KISS1: variants seen among roughly 807,000 people sequenced by gnomAD.
KISS1 encodes metastasis-suppressor KiSS-1.
For synonymous variants in KISS1, 97 were observed against 88.7 expected, an observed-to-expected ratio of 1.09 and a Z score of -0.52; for missense variants, 182 against 182.7, an observed-to-expected ratio of 1.00 and a Z score of 0.02.
chr1:204,192,495 C>T lies in KISS1; in HGVS notation c.103+279G>A, dbSNP rs1558253811. 2.0e-5 allele frequency among the ~76,000 whole-genome samples: 3 copies of T among 151,574 alleles called. No homozygotes were observed. The highest frequency in any genetic ancestry group is 4.2e-4 in the South Asian group (2 of 4,810). On this transcript the variant is annotated intron_variant, in intron 2 of 2. Coordinates refer to ENST00000367194, the MANE Select transcript of KISS1 (RefSeq NM_002256.4). This position sits in a 1 kb window ranked among gnomAD's most constrained non-coding sequence, Gnocchi z 4.2. ...AACATCGGCACAGAGAGGTTGCTGA[C>T]GTAGAGCAGAGAACACAGTGTGAGG...
chr1:204,195,549 C>T (rs905859092), intron 1 of KISS1, among the ~76,000 whole-genome samples: 4 of 147,436 alleles, frequency 2.7e-5, no homozygotes, highest in African/African-American at 1.0e-4. Flanking sequence ...AGATATATAC[C>T]CATACACCCG....
intron 1 of KISS1, among the ~76,000 whole-genome samples, chr1:204,195,386 TCATGCACACACACCACA>T (rs1489979906): frequency 4.4e-5 from 5 of 114,744 alleles, no homozygotes; most frequent in South Asian, 6.0e-4. Context: ...TACACACACA[TCATGCACACACACCACA>T]CACGCACACA....
chr1:204,193,285 G>A (rs999808831), intron 1 of KISS1, among the ~76,000 whole-genome samples: 3 of 152,142 alleles, frequency 2.0e-5, no homozygotes, highest in South Asian at 4.1e-4. Context: ...TTTGAGAAAG[G>A]TGGGGTGAGA....
chr1:204,192,733 C>T lies in KISS1; in HGVS notation c.103+41G>A, dbSNP rs755656807. 2.4e-6 allele frequency: 3 copies of T among 1,259,468 alleles called. No homozygotes were observed. Among genetic ancestry groups the T allele is most frequent in the Non-Finnish European group, 3.4e-6 (3 of 874,436 alleles). The allele number at this position is 1,259,468 out of a possible 1,614,324, so 78.0% of individuals were successfully genotyped here. A position where few individuals can be genotyped will look rare whatever the true frequency, so the allele number is the denominator to read the frequency against. Reference sequence around the variant, plus strand: ...ACGGGAAAGCTCATTTTGCAACAACCCACTTGCTCCCTCCCACTCCTTTCC... The same window carrying T: ...ACGGGAAAGCTCATTTTGCAACAACTCACTTGCTCCCTCCCACTCCTTTCC... On this transcript the variant is annotated intron_variant, in intron 2 of 2. Coordinates refer to ENST00000367194, the MANE Select transcript of KISS1 (RefSeq NM_002256.4). The surrounding 1 kb of genome is among the most constrained non-coding windows in gnomAD (Gnocchi z 4.2).
chr1:204,191,154 G>T (rs953032364), intron 2 of KISS1, among the ~76,000 whole-genome samples: 1 of 152,218 alleles, frequency 6.6e-6, no homozygotes, highest in Admixed American at 6.5e-5. Flanking sequence ...TGGGCAGTGG[G>T]GCCATGTTAA....
rs1658755697 is a variant in KISS1 at position 204,192,116 on chromosome 1, G to A, written c.103+658C>T. On this transcript the variant is annotated intron_variant, in intron 2 of 2. Transcript: ENST00000367194. This position sits in a 1 kb window ranked among gnomAD's most constrained non-coding sequence, Gnocchi z 4.2. The stretch of plus-strand genomic sequence containing the variant: ...TCAGGTCCAGAGAAGCTAAGTCATG[G>A]GTTCTAGTTTGCCCAGAAAGCTGAC... Among the ~76,000 whole-genome samples the A allele has an allele frequency of 6.6e-6, 1 of 152,132 alleles. No homozygotes were observed. Among genetic ancestry groups the A allele is most frequent in the Non-Finnish European group, 1.5e-5 (1 of 68,022 alleles).
chr1:204,190,696 TC>T lies in KISS1; in HGVS notation c.204del (p.Thr69ProfsTer78). On this transcript the variant is annotated frameshift_variant, in exon 3 of 3. Transcript: ENST00000367194. LOFTEE classifies it low-confidence loss of function (END_TRUNC). The part of the protein sequence containing the change: ...PAATARLSRR[G>X]TSLSPPPESS... ...CTCTCGGGGGGCGGGGACAGCGAGG[TC>T]CCCCGACGGCTCAGCCTGGCAGTAG... 2 of 1,596,904 alleles carry T rather than the reference TC, an allele frequency of 1.3e-6. No individual in the cohort carries two copies. The highest frequency in any genetic ancestry group is 1.7e-5 in the Admixed American group (1 of 57,898).
chr1:204,195,256 CATCATA>C (rs1658825746), intron 1 of KISS1, among the ~76,000 whole-genome samples: 13 of 87,768 alleles, frequency 1.5e-4, no homozygotes, highest in South Asian at 3.9e-4. Context: ...CATACACACA[CATCATA>C]CACACACACA....
At chr1:204,195,208 T>TC (rs1658818148) in intron 1 of KISS1, among the ~76,000 whole-genome samples, 2 of 1,934 alleles carry the variant, frequency 1.0e-3, no homozygotes, top group Admixed American at 5.7e-3. Context: ...CACACACATA[T>TC]ATACGCACAC....
chr1:204,195,769 C>T (rs1170698252), intron 1 of KISS1, among the ~76,000 whole-genome samples: 1 of 151,584 alleles, frequency 6.6e-6, no homozygotes, highest in African/African-American at 2.4e-5. Context: ...CACTGCCCAG[C>T]CCATCGGGGC....
chr1:204,195,048 G>A (rs1024280766), intron 1 of KISS1, among the ~76,000 whole-genome samples: 1 of 151,558 alleles, frequency 6.6e-6, no homozygotes, highest in Admixed American at 6.6e-5. Context: ...TCTTTCTTCC[G>A]GCTCCCCTTT....
At chr1:204,190,869 C>T in intron 2 of KISS1, 72 bp from the exon 3 acceptor site, 1 of 1,282,264 alleles carries the variant, frequency 7.8e-7, no homozygotes, top group South Asian at 1.3e-5. Context: ...CCTGTCATCC[C>T]ATCCTATCCT....
chr1:204,195,236 CGCAT>C (rs1558254628), intron 1 of KISS1, among the ~76,000 whole-genome samples: 2 of 628 alleles, frequency 3.2e-3, no homozygotes, highest in Non-Finnish European at 6.7e-3. Context: ...CACATATACA[CGCAT>C]ACACCCATAC....
chr1:204,192,939 A>G lies in KISS1; in HGVS notation c.-38-25T>C. ...GCTGAGACAGAGAGAGGGAACAAAG[A>G]CTAGGTCAGGCACAGGATCTGGGCT... On this transcript the variant is annotated intron_variant, in intron 1 of 2. Coordinates refer to ENST00000367194, the MANE Select transcript of KISS1 (RefSeq NM_002256.4). The surrounding 1 kb of genome is among the most constrained non-coding windows in gnomAD (Gnocchi z 4.2). 1 of 1,140,298 alleles carries G rather than the reference A, an allele frequency of 8.8e-7. No individual in the cohort carries two copies. The highest frequency in any genetic ancestry group is 1.3e-6 in the Non-Finnish European group (1 of 773,658). The allele number at this position is 1,140,298 out of a possible 1,614,324, so 70.6% of individuals were successfully genotyped here. A position where few individuals can be genotyped will look rare whatever the true frequency, so the allele number is the denominator to read the frequency against.
Position 204,190,355 on chromosome 1 carries a change from T to C in KISS1, c.*129A>G. On this transcript the variant is annotated 3_prime_UTR_variant, in exon 3 of 3. Transcript: ENST00000367194. ...CCACACGTCAGTGAGTTACGCAACA[T>C]TTCTTTTATTGCCTCGGGTTGGAAG... 1.0e-6 allele frequency: 1 copy of C among 991,392 alleles called. No individual in the cohort carries two copies. 61.4% of individuals were successfully genotyped at this position (991,392 alleles called of 1,614,324 possible).
chr1:204,190,414 G>C lies in KISS1; in HGVS notation c.*70C>G, dbSNP rs1132506. 152,382 of 505,596 alleles carry C rather than the reference G, an allele frequency of 0.3. 27,611 individuals carry two copies. Among genetic ancestry groups the C allele is most frequent in the African/African-American group, 0.65 (23,757 of 36,770 alleles). 31.3% of individuals were successfully genotyped at this position (505,596 alleles called of 1,614,324 possible). The stretch of plus-strand genomic sequence containing the variant: ...CCCCCTCCCTTAGCCCTACGTCCCC[G>C]CCCCCCGCCCCCGCCCCGCATGCTC... On this transcript the variant is annotated 3_prime_UTR_variant, in exon 3 of 3. Transcript: ENST00000367194.
intron 1 of KISS1, among the ~76,000 whole-genome samples, chr1:204,194,991 T>C (rs1413854422): frequency 1.3e-5 from 2 of 151,826 alleles, no homozygotes; most frequent in Admixed American, 1.3e-4. Flanking sequence ...AGCAGGGTGG[T>C]GGGCCAGGAA....
At position 204,192,711 on chromosome 1, in the gene KISS1, G is replaced by A. The variant is rs1050499002; in HGVS notation, c.103+63C>T. ...ACCAGTCGACTAGATGGAAAATACG[G>A]GAAAGCTCATTTTGCAACAACCCAC... On this transcript the variant is annotated intron_variant, in intron 2 of 2. Coordinates refer to ENST00000367194, the MANE Select transcript of KISS1 (RefSeq NM_002256.4). This position sits in a 1 kb window ranked among gnomAD's most constrained non-coding sequence, Gnocchi z 4.2. 1.2e-5 allele frequency: 12 copies of A among 996,076 alleles called. No individual in the cohort carries two copies. Among genetic ancestry groups the A allele is most frequent in the Admixed American group, 6.0e-5 (3 of 50,388 alleles). The allele number at this position is 996,076 out of a possible 1,614,324, so 61.7% of individuals were successfully genotyped here. A position where few individuals can be genotyped will look rare whatever the true frequency, so the allele number is the denominator to read the frequency against.
Position 204,190,666 on chromosome 1 carries a change from C to G in KISS1, c.235G>C (p.Gly79Arg), listed in dbSNP as rs746488000. The change falls in exon 3 of 3, where the codon GGG (glycine) becomes CGG (arginine). Residue 79 changes from glycine (G) to arginine (R), a missense_variant. Gly to Arg is a moderately radical substitution (Grantham distance 125). Coordinates refer to ENST00000367194, the MANE Select transcript of KISS1 (RefSeq NM_002256.4). ...TSLSPPPESS[G>R]SPQQPGLSAP... is the part of the protein sequence containing the mutation. ...GACAGGCCCGGCTGCTGGGGGCTCC[C>G]GGAGCTCTCGGGGGGCGGGGACAGC... The G allele has an allele frequency of 6.3e-7, 1 of 1,587,082 alleles. No individual in the cohort carries two copies. The highest frequency in any genetic ancestry group is 8.6e-7 in the Non-Finnish European group (1 of 1,167,622).
Sources: gnomAD v4.1 joint callset for allele counts (sites outside exome capture counted in the v4.1 genomes callset) on GRCh38, gnomAD v4.1.1 for gene constraint, Gnocchi (gnomAD v3.1) non-coding constraint, MANE v1.5 for transcripts, NCBI Gene and HGNC (gene_info 2026-07-23, HGNC 2026-07-21) for gene names.